Variants in CCDC171 observed in about 807,000 individuals in gnomAD.
CCDC171 encodes the protein coiled-coil domain containing 171, also known as coiled-coil domain-containing protein 171.
A neutral mutation model predicts 168.2 loss-of-function variants in CCDC171; 177 were observed. The observed-to-expected ratio is 1.05, with a 90% CI of 0.93 to 1.19. CCDC171 has a LOEUF of 1.19. Among genes scored for constraint, CCDC171 ranks in the 50% most tolerant of loss-of-function variants. The pLI is 0.00. For synonymous variants in CCDC171, 687 were observed against 540.8 expected, an observed-to-expected ratio of 1.27 and a Z score of -3.75; for missense variants, 1,991 against 1,539.0, an observed-to-expected ratio of 1.29 and a Z score of -4.91.
intron 4 of CCDC171, among the ~76,000 whole-genome samples, chr9:15,591,067 A>T (rs150855438): frequency 1.3e-5 from 2 of 151,972 alleles, no homozygotes; most frequent in Admixed American, 6.6e-5. Flanking sequence ...CTGGTGCTAG[A>T]AGTGCACCTA....
At chr9:15,783,388 C>A (rs1458794855) in intron 20 of CCDC171, among the ~76,000 whole-genome samples, 3 of 151,988 alleles carry the variant, frequency 2.0e-5, no homozygotes, top group Non-Finnish European at 4.4e-5. Flanking sequence ...ATTTTTTTCA[C>A]TGCTTTTTCC....
chr9:15,746,465 T>G (rs2055287226), intron 18 of CCDC171, among the ~76,000 whole-genome samples: 1 of 152,236 alleles, frequency 6.6e-6, no homozygotes, highest in Non-Finnish European at 1.5e-5. Flanking sequence ...GCATATTTAA[T>G]GTATTGGCAG....
intron 11 of CCDC171, among the ~76,000 whole-genome samples, chr9:15,713,957 G>A (rs186352291): frequency 6.6e-6 from 1 of 151,876 alleles, no homozygotes. Flanking sequence ...GAAAAAAACT[G>A]GTTTTGGTGG....
chr9:15,994,157 A>T (rs56256215), intron 3 of CCDC171, among the ~76,000 whole-genome samples: 11,667 of 152,078 alleles, frequency 0.077, 1,464 homozygotes, highest in African/African-American at 0.27. Context: ...TTGCAGTATA[A>T]TCGCAATAGC....
chr9:15,764,072 G>C (rs996527771), intron 18 of CCDC171, among the ~76,000 whole-genome samples: 1 of 152,274 alleles, frequency 6.6e-6, no homozygotes, highest in African/African-American at 2.4e-5. Context: ...TAACAAAGGA[G>C]TGTGCTTGAT....
chr9:15,970,459 A>G (rs1223703428), intron 25 of CCDC171, among the ~76,000 whole-genome samples: 1 of 152,030 alleles, frequency 6.6e-6, no homozygotes, highest in Non-Finnish European at 1.5e-5. Flanking sequence ...TTATAACCAG[A>G]CTTGTTATTT....
chr9:15,648,728 G>C (rs199988618), intron 7 of CCDC171, among the ~76,000 whole-genome samples: 10 of 152,076 alleles, frequency 6.6e-5, no homozygotes, highest in Admixed American at 2.6e-4. Context: ...CTACAAACCA[G>C]TGCTCAACAA....
At chr9:16,022,670 AC>A (rs1195363129) in intron 5 of CCDC171, 4 of 152,136 alleles carry the variant, frequency 2.6e-5, no homozygotes, top group African/African-American at 9.7e-5. Context: ...TGAAATTGAG[AC>A]CTTTTCCAAA....
intron 1 of CCDC171, among the ~76,000 whole-genome samples, chr9:15,555,333 TTATC>T (rs1158010317): frequency 6.6e-6 from 1 of 152,218 alleles, no homozygotes; most frequent in Non-Finnish European, 1.5e-5. Context: ...TTGCCTTTCT[TTATC>T]TATTACTGCT....
At chr9:15,650,706 T>G (rs1366147966) in intron 7 of CCDC171, among the ~76,000 whole-genome samples, 1 of 152,142 alleles carries the variant, frequency 6.6e-6, no homozygotes, top group African/African-American at 2.4e-5. Flanking sequence ...GATACACATG[T>G]TTTTTGTCTT....
intron 9 of CCDC171, among the ~76,000 whole-genome samples, chr9:15,677,801 A>G (rs1437474559): frequency 7.1e-6 from 1 of 139,872 alleles, no homozygotes; most frequent in Non-Finnish European, 1.5e-5. Context: ...CCCATCTCAT[A>G]TATATACACA....
chr9:15,632,462 A>G (rs1353844082), intron 7 of CCDC171, among the ~76,000 whole-genome samples: 1 of 152,126 alleles, frequency 6.6e-6, no homozygotes, highest in Non-Finnish European at 1.5e-5. Flanking sequence ...TCCAACTTAC[A>G]AGGGATGTGA....
intron 9 of CCDC171, 108 bp from the exon 10 acceptor site, chr9:15,678,650 A>G: frequency 1.2e-6 from 1 of 852,718 alleles, no homozygotes; most frequent in South Asian, 2.3e-5. Flanking sequence ...AAAGTCTTTT[A>G]GCATGAACAC....
intron 6 of CCDC171, among the ~76,000 whole-genome samples, chr9:16,030,882 G>C (rs1833355044): frequency 6.6e-6 from 1 of 152,160 alleles, no homozygotes; most frequent in South Asian, 2.1e-4. Flanking sequence ...AGAGGGTGGA[G>C]GGAAAATCAA....
chr9:15,718,602 C>T (rs1376214048), intron 11 of CCDC171, among the ~76,000 whole-genome samples: 4 of 152,204 alleles, frequency 2.6e-5, no homozygotes, highest in Admixed American at 6.5e-5. Context: ...TGTCACTTCT[C>T]CCCCAGTTTT....
chr9:15,791,830 C>G (rs2058283954), intron 21 of CCDC171, among the ~76,000 whole-genome samples: 1 of 152,124 alleles, frequency 6.6e-6, no homozygotes, highest in Non-Finnish European at 1.5e-5. Flanking sequence ...ATGTACGTCA[C>G]CATCATCAAA....
intron 3 of CCDC171, among the ~76,000 whole-genome samples, chr9:16,013,581 T>C (rs892668317): frequency 6.6e-6 from 1 of 152,150 alleles, no homozygotes; most frequent in Non-Finnish European, 1.5e-5. Context: ...CGGGGCAAAT[T>C]ATTTGCCCTC....
At chr9:15,585,635 A>C (rs147630740) in intron 4 of CCDC171, among the ~76,000 whole-genome samples, 9 of 152,304 alleles carry the variant, frequency 5.9e-5, no homozygotes, top group Non-Finnish European at 8.8e-5. Flanking sequence ...TTTTGGGTTG[A>C]AAGAAATGTT....
At chr9:15,554,214 GT>G (rs953923043) in intron 1 of CCDC171, among the ~76,000 whole-genome samples, 29 of 152,220 alleles carry the variant, frequency 1.9e-4, no homozygotes, top group African/African-American at 5.8e-4. Flanking sequence ...TGGAGACGGG[GT>G]TTCACTGTGT....
Sources: gnomAD v4.1 joint callset for allele counts (sites outside exome capture counted in the v4.1 genomes callset) on GRCh38, gnomAD v4.1.1 for gene constraint, MANE v1.5 for transcripts, NCBI Gene and HGNC (gene_info 2026-07-23, HGNC 2026-07-21) for gene names.